The following CDC20B variants were observed in gnomAD, a reference collection of about 807,000 sequenced individuals.
CDC20B encodes the protein cell division cycle protein 20 homolog B.
A neutral mutation model predicts 64.1 loss-of-function variants in CDC20B; 58 were observed. The observed-to-expected ratio is 0.90, with a 90% CI of 0.73 to 1.13. The LOEUF (loss-of-function observed/expected upper bound fraction) is 1.13, where lower values mean the gene tolerates loss of function less well. CDC20B is among the 50% of genes most tolerant of loss of function. The pLI is 0.00. For missense variants in CDC20B, 597 were observed against 633.0 expected (o/e 0.94, Z 0.61); for synonymous variants, 243 against 230.6 (o/e 1.05, Z -0.49).
chr5:55,156,960 G>T (rs913745987), intron 2 of CDC20B, among the ~76,000 whole-genome samples: 8 of 152,178 alleles, frequency 5.3e-5, no homozygotes, highest in African/African-American at 1.9e-4. Flanking sequence ...TTTCTTGTGT[G>T]TTCTCATATT....
At chr5:55,163,023 C>T (rs1013221401) in intron 2 of CDC20B, among the ~76,000 whole-genome samples, 1 of 152,106 alleles carries the variant, frequency 6.6e-6, no homozygotes, top group Admixed American at 6.5e-5. Context: ...ATAATACCCA[C>T]CTCATAGGGT....
intron 6 of CDC20B, among the ~76,000 whole-genome samples, chr5:55,133,010 C>A (rs1375174842): frequency 6.6e-6 from 1 of 152,174 alleles, no homozygotes; most frequent in African/African-American, 2.4e-5. Context: ...TATTTATAAT[C>A]TACCTTGGCA....
At chr5:55,150,040 G>A (rs530212713) in intron 2 of CDC20B, among the ~76,000 whole-genome samples, 85 of 152,276 alleles carry the variant, frequency 5.6e-4, no homozygotes, top group African/African-American at 1.7e-3. Flanking sequence ...AGGCTGACAA[G>A]AGAATCGCTT....
intron 2 of CDC20B, among the ~76,000 whole-genome samples, chr5:55,171,073 G>A (rs142412762): frequency 0.022 from 3,413 of 152,308 alleles, 152 homozygotes; most frequent in African/African-American, 0.078. Flanking sequence ...CAGCACTTTG[G>A]GAGGCCAAGG....
At chr5:55,158,717 C>T (rs983203153) in intron 2 of CDC20B, among the ~76,000 whole-genome samples, 25 of 152,166 alleles carry the variant, frequency 1.6e-4, no homozygotes. Flanking sequence ...CAGATCTTGC[C>T]ATGAGTCTTA....
At chr5:55,136,410 T>C (rs1246068105) in intron 5 of CDC20B, 1 of 152,012 alleles carries the variant, frequency 6.6e-6, no homozygotes, top group African/African-American at 2.4e-5. Context: ...AGTACAAAAA[T>C]TGGCCAGGTG....
At chr5:55,118,822 G>C (rs1024321139) in intron 11 of CDC20B, among the ~76,000 whole-genome samples, 1 of 152,164 alleles carries the variant, frequency 6.6e-6, no homozygotes, top group East Asian at 1.9e-4. Context: ...ATCAGAGGCA[G>C]GAAGTCTATC....
chr5:55,153,169 G>C (rs984719596), intron 2 of CDC20B, among the ~76,000 whole-genome samples: 2 of 148,322 alleles, frequency 1.3e-5, no homozygotes, highest in African/African-American at 5.0e-5. Context: ...AGCCCAGAAG[G>C]CAGAGGTTGC....
chr5:55,163,798 C>T (rs767262389), intron 2 of CDC20B, among the ~76,000 whole-genome samples: 1 of 150,000 alleles, frequency 6.7e-6, no homozygotes, highest in Non-Finnish European at 1.5e-5. Flanking sequence ...TGAGCCACGG[C>T]TCCCAGCCTA....
At chr5:55,124,665 A>T in intron 9 of CDC20B, 138 bp downstream of exon 9, 1 of 727,196 alleles carries the variant, frequency 1.4e-6, no homozygotes, top group Non-Finnish European at 2.2e-6. Context: ...CTTTCAGGAG[A>T]GTGATGACAA....
chr5:55,125,473 A>G (rs780597043), intron 8 of CDC20B, among the ~76,000 whole-genome samples: 6 of 152,248 alleles, frequency 3.9e-5, no homozygotes, highest in Admixed American at 2.0e-4. Flanking sequence ...GGAAATAAAT[A>G]TCTAACAGGT....
chr5:55,154,038 C>G (rs931868069), intron 2 of CDC20B, among the ~76,000 whole-genome samples: 8 of 152,190 alleles, frequency 5.3e-5, no homozygotes, highest in Non-Finnish European at 1.2e-4. Flanking sequence ...CAGAACACAT[C>G]TGGAGAACCA....
intron 2 of CDC20B, among the ~76,000 whole-genome samples, chr5:55,156,046 C>T (rs336085): frequency 0.65 from 98,387 of 152,130 alleles, 32,012 homozygotes; most frequent in Admixed American, 0.71. Flanking sequence ...TTAATGGACT[C>T]ACAGTTCCAC....
In CDC20B at chr5:55,146,728, C is replaced by T. The variant is rs1294742691; in HGVS notation, c.255G>A (p.Leu85=). The T allele has an allele frequency of 6.2e-7, 1 of 1,614,174 alleles. No individual in the cohort carries two copies. ...GCTCTTCCCCAAAGGAATCAGAGGA[C>T]AGAGCCCTAGTTTGACTTTGCTGCC... ...TRWQQSQTRA[L]SSDSFGEEQS... The change falls in exon 3 of 12, where the codon CTG becomes CTA. Residue 85 remains leucine (L), a synonymous_variant. Coordinates refer to ENST00000381375, the MANE Select transcript of CDC20B (RefSeq NM_001170402.1).
chr5:55,120,795 A>G (rs1249548396), intron 9 of CDC20B, among the ~76,000 whole-genome samples: 2 of 152,198 alleles, frequency 1.3e-5, no homozygotes, highest in Non-Finnish European at 2.9e-5. Flanking sequence ...GATGATAACA[A>G]TTGTGGATTT....
At chr5:55,156,492 G>A (rs930239309) in intron 2 of CDC20B, among the ~76,000 whole-genome samples, 2 of 152,142 alleles carry the variant, frequency 1.3e-5, no homozygotes, top group African/African-American at 4.8e-5. Flanking sequence ...GATCTTGGCT[G>A]AGTTAACTGC....
At chr5:55,137,523 T>C (rs1743213113) in intron 5 of CDC20B, 2 of 456,558 alleles carry the variant, frequency 4.4e-6, no homozygotes, top group African/African-American at 4.0e-5. Flanking sequence ...TTAAGTTCCC[T>C]TAAAAGAATC....
chr5:55,168,037 G>C (rs934896713), intron 2 of CDC20B, among the ~76,000 whole-genome samples: 1 of 152,042 alleles, frequency 6.6e-6, no homozygotes, highest in East Asian at 1.9e-4. Context: ...ACATGTTTGG[G>C]TGGAGCTGAT....
chr5:55,149,235 C>T (rs6873626), intron 2 of CDC20B, among the ~76,000 whole-genome samples: 2 of 151,966 alleles, frequency 1.3e-5, no homozygotes, highest in Admixed American at 6.6e-5. Context: ...GGTAAGGATG[C>T]GAAGAAACTG....
Sources: gnomAD v4.1 joint callset for allele counts (sites outside exome capture counted in the v4.1 genomes callset) on GRCh38, gnomAD v4.1.1 for gene constraint, MANE v1.5 for transcripts, NCBI Gene and HGNC (gene_info 2026-07-23, HGNC 2026-07-21) for gene names.